The following RASA2 variants were observed in gnomAD, a reference collection of about 807,000 sequenced individuals.
RASA2 encodes RAS p21 protein activator 2, also known as ras GTPase-activating protein 2.
A neutral mutation model predicts 118.2 loss-of-function variants in RASA2; 155 were observed. That is an observed-to-expected ratio of 1.31 (90% CI 1.15 to 1.50). The LOEUF (loss-of-function observed/expected upper bound fraction) is 1.50. RASA2 is among the 40% of genes most tolerant of loss of function. RASA2 has a pLI of 0.00. For synonymous variants in RASA2, 353 were observed against 349.1 expected, an observed-to-expected ratio of 1.01 and a Z score of -0.12; for missense variants, 1,016 against 1,009.6, an observed-to-expected ratio of 1.01 and a Z score of -0.09.
intron 1 of RASA2, among the ~76,000 whole-genome samples, chr3:141,489,374 T>G (rs1021925955): frequency 6.6e-6 from 1 of 152,194 alleles, no homozygotes; most frequent in African/African-American, 2.4e-5. Context: ...AACTAACATG[T>G]GGGTTTTGTA....
intron 21 of RASA2, 37 bp from the exon 22 acceptor site, chr3:141,609,383 T>C: frequency 3.1e-6 from 4 of 1,295,620 alleles, no homozygotes; most frequent in Non-Finnish European, 4.2e-6. Context: ...CAAAATAAAA[T>C]TTGTATAATA....
chr3:141,582,511 T>G (rs991025506), intron 17 of RASA2, among the ~76,000 whole-genome samples: 8 of 152,176 alleles, frequency 5.3e-5, no homozygotes, highest in African/African-American at 1.9e-4. Flanking sequence ...CATCTGATCT[T>G]TTTTCCCCTG....
At chr3:141,583,856 G>T (rs1387016541) in intron 17 of RASA2, among the ~76,000 whole-genome samples, 4 of 152,112 alleles carry the variant, frequency 2.6e-5, no homozygotes, top group African/African-American at 9.7e-5. Context: ...ATGTAGAGAA[G>T]TATAAAGGAA....
chr3:141,564,274 G>A (rs546414477), intron 9 of RASA2, among the ~76,000 whole-genome samples: 12 of 152,134 alleles, frequency 7.9e-5, no homozygotes, highest in African/African-American at 2.9e-4. Context: ...AAATAAAGTT[G>A]CGCTCTGAGC....
intron 15 of RASA2, among the ~76,000 whole-genome samples, chr3:141,580,058 GA>G (rs1224245090): frequency 1.1e-4 from 2 of 18,732 alleles, no homozygotes; most frequent in Non-Finnish European, 9.0e-5. Flanking sequence ...TCCATCTCAG[GA>G]AAAAAAAAAG....
At chr3:141,560,257 A>G (rs1577736158) in intron 9 of RASA2, among the ~76,000 whole-genome samples, 1 of 152,206 alleles carries the variant, frequency 6.6e-6, no homozygotes, top group African/African-American at 2.4e-5. Flanking sequence ...TTAAGGAGAA[A>G]AATGGGAAAC....
At chr3:141,610,165 A>G in intron 23 of RASA2, 99 bp downstream of exon 23, 1 of 1,046,472 alleles carries the variant, frequency 9.6e-7, no homozygotes, top group Non-Finnish European at 1.3e-6. Context: ...CACATCTGTC[A>G]ACATCCCGCT....
At chr3:141,528,049 CA>C in intron 3 of RASA2, among the ~76,000 whole-genome samples, 1 of 151,778 alleles carries the variant, frequency 6.6e-6, no homozygotes, top group South Asian at 2.1e-4. Flanking sequence ...TTATCAGGAC[CA>C]ATTTATTTTA....
chr3:141,503,866 A>T (rs926556105), intron 1 of RASA2, among the ~76,000 whole-genome samples: 2 of 152,206 alleles, frequency 1.3e-5, no homozygotes, highest in African/African-American at 2.4e-5. Flanking sequence ...TACAATAAAG[A>T]TTCTTTAAGT....
chr3:141,531,243 T>C (rs2082254264), intron 4 of RASA2, among the ~76,000 whole-genome samples: 2 of 151,932 alleles, frequency 1.3e-5, no homozygotes, highest in African/African-American at 4.8e-5. Flanking sequence ...TTATGAACCA[T>C]TACATTTTAT....
chr3:141,593,645 T>G (rs1449414805), intron 19 of RASA2, among the ~76,000 whole-genome samples: 3 of 152,204 alleles, frequency 2.0e-5, no homozygotes, highest in Non-Finnish European at 4.4e-5. Context: ...GACTTCAGTT[T>G]CTGTCCGCCT....
intron 1 of RASA2, among the ~76,000 whole-genome samples, chr3:141,494,187 C>T (rs1249956376): frequency 6.6e-6 from 1 of 152,124 alleles, no homozygotes; most frequent in African/African-American, 2.4e-5. Context: ...GGATACATTT[C>T]TAGATAGATG....
chr3:141,604,881 T>A (rs1226349664), intron 19 of RASA2, among the ~76,000 whole-genome samples: 1 of 151,902 alleles, frequency 6.6e-6, no homozygotes, highest in African/African-American at 2.4e-5. Flanking sequence ...ATTGTGCACA[T>A]GTACCCTAGA....
intron 1 of RASA2, among the ~76,000 whole-genome samples, chr3:141,503,522 T>C (rs891099575): frequency 3.3e-5 from 5 of 152,100 alleles, no homozygotes; most frequent in African/African-American, 1.2e-4. Context: ...CTTTAAACTA[T>C]TTACTTTTTA....
At chr3:141,603,218 T>G (rs2083493704) in intron 19 of RASA2, among the ~76,000 whole-genome samples, 1 of 152,226 alleles carries the variant, frequency 6.6e-6, no homozygotes, top group Non-Finnish European at 1.5e-5. Flanking sequence ...GTTTTAGCTG[T>G]GTCCCTTGGG....
At chr3:141,529,239 AATG>A (rs1577687967) in intron 3 of RASA2, among the ~76,000 whole-genome samples, 1 of 152,082 alleles carries the variant, frequency 6.6e-6, no homozygotes, top group East Asian at 1.9e-4. Context: ...CACTGTTGTT[AATG>A]ATGTATGATA....
chr3:141,536,300 T>C (rs937131283), intron 4 of RASA2, among the ~76,000 whole-genome samples: 3 of 152,186 alleles, frequency 2.0e-5, no homozygotes, highest in Non-Finnish European at 4.4e-5. Context: ...CCATCAGATC[T>C]TGTGAGACTT....
At chr3:141,561,342 G>A (rs1033421588) in intron 9 of RASA2, among the ~76,000 whole-genome samples, 1 of 152,200 alleles carries the variant, frequency 6.6e-6, no homozygotes, top group Non-Finnish European at 1.5e-5. Flanking sequence ...AAGTAAGACT[G>A]TCTCCAGAGA....
At chr3:141,505,502 A>G (rs893664394) in intron 1 of RASA2, among the ~76,000 whole-genome samples, 8 of 152,242 alleles carry the variant, frequency 5.3e-5, no homozygotes, top group African/African-American at 1.9e-4. Flanking sequence ...AGAAAATAGC[A>G]TTGCAGATAC....
Sources: allele counts gnomAD v4.1 joint callset (sites outside exome capture counted in the v4.1 genomes callset), GRCh38; gene constraint gnomAD v4.1.1; transcripts MANE v1.5; gene names NCBI Gene and HGNC (gene_info 2026-07-23, HGNC 2026-07-21).